The following ZFYVE28 variants were observed in gnomAD, a reference collection of about 807,000 sequenced individuals.
ZFYVE28 encodes zinc finger FYVE-type containing 28.
Under a neutral mutation model 82.1 loss-of-function variants are expected in ZFYVE28, and 40 were observed. That is an observed-to-expected ratio of 0.49 (90% CI 0.38 to 0.63). The LOEUF is 0.63. ZFYVE28 is among the 30% of genes least tolerant of loss of function. ZFYVE28 has a pLI of 0.00. For synonymous variants in ZFYVE28, 612 were observed against 546.1 expected, an observed-to-expected ratio of 1.12 and a Z score of -1.68; for missense variants, 1,321 against 1,242.1, an observed-to-expected ratio of 1.06 and a Z score of -0.96.
At chr4:2,403,316 C>T (rs1731398568) in intron 1 of ZFYVE28, among the ~76,000 whole-genome samples, 1 of 152,218 alleles carries the variant, frequency 6.6e-6, no homozygotes, top group African/African-American at 2.4e-5. Flanking sequence ...CACTGCCACT[C>T]AAGTGGGGGC....
At chr4:2,352,603 T>A (rs1446069014) in intron 2 of ZFYVE28, among the ~76,000 whole-genome samples, 1 of 151,948 alleles carries the variant, frequency 6.6e-6, no homozygotes, top group Non-Finnish European at 1.5e-5. Context: ...GAGAAGAACC[T>A]GAGTGTTTAA....
intron 1 of ZFYVE28, among the ~76,000 whole-genome samples, chr4:2,379,030 C>T (rs1482658734): frequency 1.3e-5 from 2 of 152,168 alleles, no homozygotes; most frequent in Non-Finnish European, 2.9e-5. Context: ...TGGTGAGCCA[C>T]TGGGAAGGTG....
chr4:2,378,115 G>A (rs944908015), intron 1 of ZFYVE28, among the ~76,000 whole-genome samples: 19 of 152,310 alleles, frequency 1.2e-4, no homozygotes, highest in African/African-American at 2.6e-4. Context: ...TGAAGCGGGC[G>A]GATCATTTGA....
rs372656000 is a variant in ZFYVE28 at position 2,305,255 on chromosome 4, G to A, written c.1085C>T (p.Pro362Leu). 4.7e-5 allele frequency: 75 copies of A among 1,612,518 alleles called. No individual in the cohort carries two copies. Among genetic ancestry groups the A allele is most frequent in the Non-Finnish European group, 5.5e-5 (65 of 1,179,746 alleles). Residue 362 changes from proline to leucine, a missense_variant, in exon 8 of 13, where the codon CCG becomes CTG. Physicochemically the swap from Pro to Leu is moderately conservative, Grantham distance 98 (BLOSUM62 -3). Transcript: ENST00000290974. ...AGCTGGGGACTGGCAGGCAATGGGC[G>A]GTGAAAGCAAAGAGGACATCTCGTC... Reference protein sequence around the residue: ...AGDEMSSLLSPPIACQSPAHR... With the variant: ...AGDEMSSLLSLPIACQSPAHR...
intron 8 of ZFYVE28, among the ~76,000 whole-genome samples, chr4:2,297,527 C>T (rs898450596): frequency 2.4e-4 from 36 of 152,336 alleles, no homozygotes; most frequent in African/African-American, 8.4e-4. Flanking sequence ...ATGCCTGATG[C>T]CACCCGGGAT....
rs2108894701 is a variant in ZFYVE28 at position 2,362,583 on chromosome 4, G to T, written c.40-8510C>A. Among the ~76,000 whole-genome samples, 1 of 152,202 alleles carries T rather than the reference G, an allele frequency of 6.6e-6. No individual in the cohort carries two copies. Among genetic ancestry groups the T allele is most frequent in the Non-Finnish European group, 1.5e-5 (1 of 67,994 alleles). On this transcript the variant is annotated intron_variant, in intron 1 of 12. Transcript: ENST00000290974. The surrounding 1 kb of genome is among the most constrained non-coding windows in gnomAD (Gnocchi z 5.1). Reference sequence around the variant, plus strand: ...GGGCAGCCATGACCCATGTCCCCAAGGCAGGCCTCATCCACAGCAGACACC... The same window carrying T: ...GGGCAGCCATGACCCATGTCCCCAATGCAGGCCTCATCCACAGCAGACACC...
intron 1 of ZFYVE28, among the ~76,000 whole-genome samples, chr4:2,382,392 C>A (rs1728818203): frequency 6.6e-6 from 1 of 152,210 alleles, no homozygotes; most frequent in Non-Finnish European, 1.5e-5. Flanking sequence ...GAGGCTGTAC[C>A]CTGCAAAGTC....
At chr4:2,274,567 A>C (rs981298186) in intron 8 of ZFYVE28, among the ~76,000 whole-genome samples, 1 of 151,792 alleles carries the variant, frequency 6.6e-6, no homozygotes, top group African/African-American at 2.4e-5. Flanking sequence ...CACCTTTCAC[A>C]CCATTTCTAA....
intron 1 of ZFYVE28, among the ~76,000 whole-genome samples, chr4:2,378,327 C>G (rs1243449661): frequency 6.6e-6 from 1 of 152,170 alleles, no homozygotes; most frequent in Non-Finnish European, 1.5e-5. Context: ...GGTGACGGAG[C>G]AAGACCCTGT....
intron 7 of ZFYVE28, among the ~76,000 whole-genome samples, chr4:2,306,258 C>A (rs1029737431): frequency 2.0e-5 from 3 of 152,256 alleles, no homozygotes; most frequent in Non-Finnish European, 4.4e-5. Flanking sequence ...CTGCTCTCTG[C>A]TGCGAGAAGC....
At position 2,341,659 on chromosome 4, in the gene ZFYVE28, G is replaced by C. The variant is rs1722828540; in HGVS notation, c.181-44C>G. ...GAAAGTGCGCCAATCGCTGTGTCCA[G>C]CTGGCGGCCGCCATGTACTGCTGGA... On this transcript the variant is annotated intron_variant, in intron 2 of 12. Transcript: ENST00000290974. The surrounding 1 kb of genome is among the most constrained non-coding windows in gnomAD (Gnocchi z 4.5). 6.3e-7 allele frequency: 1 copy of C among 1,587,972 alleles called. No individual in the cohort carries two copies. Among genetic ancestry groups the C allele is most frequent in the Admixed American group, 1.7e-5 (1 of 59,258 alleles).
At chr4:2,312,296 G>A (rs1390182459) in intron 7 of ZFYVE28, among the ~76,000 whole-genome samples, 1 of 152,186 alleles carries the variant, frequency 6.6e-6, no homozygotes, top group Non-Finnish European at 1.5e-5. Context: ...CCAACAGTTT[G>A]GAAGGCCAAG....
At chr4:2,293,597 C>CA (rs1228865357) in intron 8 of ZFYVE28, among the ~76,000 whole-genome samples, 48 of 151,746 alleles carry the variant, frequency 3.2e-4, no homozygotes, top group Admixed American at 7.2e-4. Context: ...ACTAAAAATA[C>CA]AAAAAATTAG....
chr4:2,408,209 C>A lies in ZFYVE28; in HGVS notation c.39+10076G>T, dbSNP rs934832578. ...TTCACCCAGTCCTGGACCAACACAT[C>A]TCCCCTAACCCCACCATGCCCTGGG... is the stretch of plus-strand genomic sequence containing the variant. On this transcript the variant is annotated intron_variant, in intron 1 of 12. Coordinates refer to ENST00000290974, the MANE Select transcript of ZFYVE28 (RefSeq NM_020972.3). The surrounding 1 kb of genome is among the most constrained non-coding windows in gnomAD (Gnocchi z 4.3). Among the ~76,000 whole-genome samples the A allele has an allele frequency of 2.6e-5, 4 of 152,188 alleles. No homozygotes were observed. Among genetic ancestry groups the A allele is most frequent in the Non-Finnish European group, 5.9e-5 (4 of 68,020 alleles).
rs1170371285 is a variant in ZFYVE28 at position 2,413,368 on chromosome 4, G to A, written c.39+4917C>T. ...GAAAAAGGAAGGCTTTCTGGGAGGG[G>A]TGGCATGACCTGGATGCAGAGCCGC... On this transcript the variant is annotated intron_variant, in intron 1 of 12. Transcript: ENST00000290974. Among the ~76,000 whole-genome samples, 5 of 152,374 alleles carry A rather than the reference G, an allele frequency of 3.3e-5. No homozygotes were observed. The East Asian group carries it at 9.6e-4, about 29-fold the overall frequency.
Position 2,283,323 on chromosome 4 carries a change from C to G in ZFYVE28, c.2052-9107G>C, listed in dbSNP as rs546878095. 2.1e-5 allele frequency among the ~76,000 whole-genome samples: 3 copies of G among 144,088 alleles called. No homozygotes were observed. The East Asian group carries it at 6.8e-4, about 33-fold the overall frequency. 94.5% of individuals were successfully genotyped at this position (144,088 alleles called of 152,430 possible). ...ATCTTCCACTCATCCACCCACCCAT[C>G]TACCCACCCACCCATCCATTTATCC... On this transcript the variant is annotated intron_variant, in intron 8 of 12. Coordinates refer to ENST00000290974, the MANE Select transcript of ZFYVE28 (RefSeq NM_020972.3).
At chr4:2,281,282 C>T (rs867880376) in intron 8 of ZFYVE28, among the ~76,000 whole-genome samples, 42 of 152,090 alleles carry the variant, frequency 2.8e-4, no homozygotes, top group African/African-American at 9.7e-4. Context: ...AGGATTTCAC[C>T]GAGAGCATGA....
chr4:2,292,905 T>C (rs1250538136), intron 8 of ZFYVE28, among the ~76,000 whole-genome samples: 1 of 152,096 alleles, frequency 6.6e-6, no homozygotes, highest in African/African-American at 2.4e-5. Context: ...GTTCAGCAAA[T>C]CAAAGCCAAC....
chr4:2,284,603 C>G (rs1040278271), intron 8 of ZFYVE28, among the ~76,000 whole-genome samples: 1 of 152,204 alleles, frequency 6.6e-6, no homozygotes, highest in Admixed American at 6.5e-5. Flanking sequence ...CAGGACAATC[C>G]CACAGTCCTG....
Sources: allele counts gnomAD v4.1 joint callset (sites outside exome capture counted in the v4.1 genomes callset), GRCh38; gene constraint gnomAD v4.1.1; non-coding constraint Gnocchi (gnomAD v3.1); transcripts MANE v1.5; gene names NCBI Gene and HGNC (gene_info 2026-07-23, HGNC 2026-07-21).